Variants in LLGL2 observed in about 807,000 individuals in gnomAD.
The protein encoded by LLGL2 is LLGL scribble cell polarity complex component 2, also known as LLGL2, scribble cell polarity complex component.
In LLGL2, 81 loss-of-function variants were observed where a neutral mutation model predicts 123.2. The ratio of observed to expected loss-of-function variants is 0.66; its 90% CI spans 0.55 to 0.79. LLGL2 has a LOEUF of 0.79. Ranked by LOEUF, LLGL2 falls within the 30% of genes least tolerant of loss-of-function variation. The probability of loss-of-function intolerance (pLI) is 0.00; values close to 1 mark genes in which losing one functional copy is unlikely to be tolerated. For synonymous variants in LLGL2, 577 were observed against 594.1 expected (o/e 0.97, Z 0.42); for missense variants, 1,273 against 1,414.6 (o/e 0.90, Z 1.61).
chr17:75,566,132 A>T (rs150153253), intron 10 of LLGL2, among the ~76,000 whole-genome samples: 11 of 152,286 alleles, frequency 7.2e-5, no homozygotes, highest in Admixed American at 2.6e-4. Context: ...CTGAGCTGGG[A>T]GGGCTCTTGG....
rs2055105983 is a variant in LLGL2, at chr17:75,559,582, C to T, written c.530+172C>T. Among the ~76,000 whole-genome samples, 1 of 152,224 alleles carries T rather than the reference C, an allele frequency of 6.6e-6. No homozygotes were observed. The highest frequency in any genetic ancestry group is 2.1e-4 in the South Asian group (1 of 4,838). ...CTGTCACCTACTGAGAACCTATTGG[C>T]CTGTCATAGGTTAGCATCATAGCAC... On this transcript the variant is annotated intron_variant, in intron 6 of 25. Transcript: ENST00000392550. This position sits in a 1 kb window ranked among gnomAD's most constrained non-coding sequence, Gnocchi z 4.6.
At chr17:75,568,413 G>C (rs1275993374) in intron 10 of LLGL2, 63 bp from the exon 11 acceptor site, 15 of 1,557,920 alleles carry the variant, frequency 9.6e-6, no homozygotes, top group Non-Finnish European at 2.6e-6. Context: ...TGGAGCTTCT[G>C]ATTCCACAGA....
rs756451897 is a variant in LLGL2, at chr17:75,570,301, A to G, written c.1874+46A>G. Reference sequence around the variant, plus strand: ...CCCGGGGCTGGGAGTGGGGCCCGCGAGGACTCCCAGGACCTAGCAGCACTG... The same window carrying G: ...CCCGGGGCTGGGAGTGGGGCCCGCGGGGACTCCCAGGACCTAGCAGCACTG... On this transcript the variant is annotated intron_variant, in intron 15 of 25. Transcript: ENST00000392550. The G allele has an allele frequency of 8.7e-6, 14 of 1,600,628 alleles. No individual in the cohort carries two copies. The Admixed American group carries it at 2.4e-4, about 27-fold the overall frequency.
intron 24 of LLGL2, 39 bp downstream of exon 24, chr17:75,574,534 C>T: frequency 6.3e-7 from 1 of 1,581,404 alleles, no homozygotes; most frequent in Non-Finnish European, 8.6e-7. Context: ...GGGCCCGAGG[C>T]TCTGCCAGAG....
intron 2 of LLGL2, among the ~76,000 whole-genome samples, chr17:75,554,404 A>G (rs28573350): frequency 0.87 from 132,087 of 151,516 alleles, 58,628 homozygotes; most frequent in Non-Finnish European, 0.98. Context: ...TTGAGTCTAG[A>G]AGGTTAAGAC....
chr17:75,562,869 C>A, intron 6 of LLGL2, 147 bp from the exon 7 acceptor site: 2 of 1,002,008 alleles, frequency 2.0e-6, no homozygotes, highest in Non-Finnish European at 2.9e-6. Flanking sequence ...CACGCTCGGC[C>A]ATCCACTGCG....
At chr17:75,563,875 C>T (rs1598612430) in intron 9 of LLGL2, 69 bp downstream of exon 9, 1 of 1,510,828 alleles carries the variant, frequency 6.6e-7, no homozygotes, top group East Asian at 2.3e-5. Flanking sequence ...TCACTTAGGC[C>T]TCTGCCTGGG....
chr17:75,536,840 C>T (rs2054020219), intron 1 of LLGL2, among the ~76,000 whole-genome samples: 1 of 152,018 alleles, frequency 6.6e-6, no homozygotes, highest in Non-Finnish European at 1.5e-5. Flanking sequence ...TATTTATTTA[C>T]TTTTTGAGAT....
intron 1 of LLGL2, among the ~76,000 whole-genome samples, chr17:75,527,542 T>C (rs922552357): frequency 6.6e-6 from 1 of 152,128 alleles, no homozygotes; most frequent in Non-Finnish European, 1.5e-5. Context: ...CATTCATAAA[T>C]AAGAAATAAA....
chr17:75,530,911 C>T (rs2053763087), intron 1 of LLGL2, among the ~76,000 whole-genome samples: 1 of 152,162 alleles, frequency 6.6e-6, no homozygotes, highest in South Asian at 2.1e-4. Flanking sequence ...CCTAAATGGA[C>T]CTTGCATTCC....
chr17:75,531,419 G>T (rs2053782098), intron 1 of LLGL2, among the ~76,000 whole-genome samples: 1 of 152,190 alleles, frequency 6.6e-6, no homozygotes, highest in Admixed American at 6.5e-5. Context: ...TGAGTTGGGG[G>T]CCAGAATGGA....
At chr17:75,574,582 C>T (rs1363653805) in intron 24 of LLGL2, 28 bp from the exon 25 acceptor site, 1 of 1,610,496 alleles carries the variant, frequency 6.2e-7, no homozygotes, top group Non-Finnish European at 8.5e-7. Flanking sequence ...TCCCTGAGGC[C>T]ATGACTCCCC....
At chr17:75,557,034 C>A (rs893072272) in intron 3 of LLGL2, among the ~76,000 whole-genome samples, 1 of 109,886 alleles carries the variant, frequency 9.1e-6, no homozygotes, top group African/African-American at 4.7e-5. Context: ...GTCTCAAAAA[C>A]TTTTTTTTTT....
intron 2 of LLGL2, among the ~76,000 whole-genome samples, chr17:75,547,853 G>A (rs1017788211): frequency 6.6e-6 from 1 of 151,704 alleles, no homozygotes; most frequent in Admixed American, 6.6e-5. Flanking sequence ...GACTGGGGTG[G>A]AATGTGACCA....
At chr17:75,539,457 T>C (rs2054126838) in intron 1 of LLGL2, among the ~76,000 whole-genome samples, 2 of 110,346 alleles carry the variant, frequency 1.8e-5, no homozygotes, top group Admixed American at 1.7e-4. Flanking sequence ...CCCAGGCTGG[T>C]CGTCTCCAGC....
At position 75,563,334 on chromosome 17, in the gene LLGL2, C is replaced by T. The variant is rs1444674950; in HGVS notation, c.697C>T (p.Leu233=). The T allele has an allele frequency of 6.2e-7, 1 of 1,612,644 alleles. No individual in the cohort carries two copies. Among genetic ancestry groups the T allele is most frequent in the Non-Finnish European group, 8.5e-7 (1 of 1,179,774 alleles). ...TCCCTCTCCTCTTCCTCCATAGCAA[C>T]TGGAGAACATCTGGTGGCAGCGGGA... ...VLYHFLSSQQ[L]ENIWWQRDGR... The change falls in exon 8 of 26, where the codon CTG becomes TTG. Residue 233 remains leucine (L), a synonymous_variant. Coordinates refer to ENST00000392550, the MANE Select transcript of LLGL2 (RefSeq NM_001031803.2).
intron 10 of LLGL2, among the ~76,000 whole-genome samples, chr17:75,566,268 G>T (rs1203780472): frequency 6.6e-6 from 1 of 152,176 alleles, no homozygotes. Context: ...AGGGAGATGA[G>T]GGCCCTGAGC....
chr17:75,573,717 C>A, intron 21 of LLGL2, 86 bp downstream of exon 21: 1 of 1,288,430 alleles, frequency 7.8e-7, no homozygotes, highest in Non-Finnish European at 1.0e-6. Context: ...TGCTGCCTGG[C>A]TGGAGGCACC....
At chr17:75,529,954 G>C (rs1194108730) in intron 1 of LLGL2, among the ~76,000 whole-genome samples, 1 of 152,174 alleles carries the variant, frequency 6.6e-6, no homozygotes, top group Non-Finnish European at 1.5e-5. Flanking sequence ...AGTCCTTGCT[G>C]TGTGACCCTA....
Sources: gnomAD v4.1 joint callset for allele counts (sites outside exome capture counted in the v4.1 genomes callset) on GRCh38, gnomAD v4.1.1 for gene constraint, Gnocchi (gnomAD v3.1) non-coding constraint, MANE v1.5 for transcripts, NCBI Gene and HGNC (gene_info 2026-07-23, HGNC 2026-07-21) for gene names.